The following DPYSL5 variants were observed in gnomAD, a reference collection of about 807,000 sequenced individuals.
DPYSL5 encodes dihydropyrimidinase-related protein 5.
A neutral mutation model predicts 58.4 loss-of-function variants in DPYSL5; 9 were observed. That is an observed-to-expected ratio of 0.15 (90% CI 0.09 to 0.27). The LOEUF (loss-of-function observed/expected upper bound fraction) is 0.27. Among genes scored for constraint, DPYSL5 ranks in the 10% least tolerant of loss-of-function variants. The pLI is 1.00. For synonymous variants in DPYSL5, 293 were observed against 301.9 expected (o/e 0.97, Z 0.31); for missense variants, 499 against 770.6 (o/e 0.65, Z 4.17).
chr2:26,873,268 T>C (rs1663318294), intron 1 of DPYSL5, among the ~76,000 whole-genome samples: 1 of 152,218 alleles, frequency 6.6e-6, no homozygotes, highest in Admixed American at 6.5e-5. Context: ...ATGTAATCAC[T>C]ACCACAATCA....
intron 2 of DPYSL5, among the ~76,000 whole-genome samples, chr2:26,919,986 G>T (rs1282806659): frequency 2.6e-5 from 4 of 152,082 alleles, no homozygotes; most frequent in African/African-American, 7.2e-5. Flanking sequence ...AGTTGCAAAA[G>T]AATATAGACA....
rs1664854670 is a variant in DPYSL5 at position 26,927,366 on chromosome 2, G to T, written c.534G>T (p.Leu178Phe). Residue 178 changes from leucine (L) to phenylalanine (F), a missense_variant, in exon 4 of 13, where the codon TTG becomes TTT. Physicochemically the swap from Leu to Phe is conservative, Grantham distance 22 (BLOSUM62 0). Coordinates refer to ENST00000288699, the MANE Select transcript of DPYSL5 (RefSeq NM_020134.4). The surrounding 1 kb of genome is among the most constrained non-coding windows in gnomAD (Gnocchi z 4.3). Reference protein sequence around the residue: ...MLRDSELYQVLHACKDIGAIA... With the variant: ...MLRDSELYQVFHACKDIGAIA... Reference sequence around the variant, plus strand: ...GAGACAGTGAGCTGTACCAAGTGTTGCACGCTTGCAAGGACATTGGGGCAA... The same window carrying T: ...GAGACAGTGAGCTGTACCAAGTGTTTCACGCTTGCAAGGACATTGGGGCAA... 3 of 1,614,252 alleles carry T rather than the reference G, an allele frequency of 1.9e-6. No homozygotes were observed. In the South Asian group the frequency reaches 3.3e-5, roughly 18 times the overall value.
chr2:26,857,269 G>C (rs1665902286), intron 1 of DPYSL5, among the ~76,000 whole-genome samples: 1 of 152,114 alleles, frequency 6.6e-6, no homozygotes, highest in Non-Finnish European at 1.5e-5. Context: ...AGGCGTGGTG[G>C]CTCACGCCTG....
rs1665132721 is a variant in DPYSL5, at chr2:26,934,885, T to C, written c.947+151T>C. ...TACCTTCTCTGAGCCCATCAGATAA[T>C]TGCCATCCTATTGGGATTTTATGAC... On this transcript the variant is annotated intron_variant, in intron 8 of 12. Coordinates refer to ENST00000288699, the MANE Select transcript of DPYSL5 (RefSeq NM_020134.4). The surrounding 1 kb of genome is among the most constrained non-coding windows in gnomAD (Gnocchi z 4.3). 1.8e-6 allele frequency: 2 copies of C among 1,089,874 alleles called. No individual in the cohort carries two copies. Among genetic ancestry groups the C allele is most frequent in the South Asian group, 1.5e-5 (1 of 64,798 alleles). 67.5% of individuals were successfully genotyped at this position (1,089,874 alleles called of 1,614,324 possible).
At chr2:26,928,900 C>A (rs1322340058) in intron 5 of DPYSL5, among the ~76,000 whole-genome samples, 1 of 151,512 alleles carries the variant, frequency 6.6e-6, no homozygotes, top group East Asian at 1.9e-4. Context: ...AAAAGACAGA[C>A]TGAAAAGGCC....
intron 8 of DPYSL5, chr2:26,938,608 G>C (rs72804857): frequency 0.12 from 17,878 of 152,250 alleles, 1,321 homozygotes; most frequent in Admixed American, 0.18. Context: ...GATAAGCCCT[G>C]CCAGGTCCCC....
intron 2 of DPYSL5, among the ~76,000 whole-genome samples, chr2:26,917,242 T>A (rs950999333): frequency 3.3e-5 from 5 of 152,204 alleles, no homozygotes; most frequent in Non-Finnish European, 7.3e-5. Flanking sequence ...GGTCAGGAAG[T>A]GGGACCATGC....
rs750430692 is a variant in DPYSL5 at position 26,940,136 on chromosome 2, G to A, written c.1053G>A (p.Val351=). 6.2e-7 allele frequency: 1 copy of A among 1,614,206 alleles called. No individual in the cohort carries two copies. The change falls in exon 9 of 13, where the codon GTG becomes GTA. Residue 351 remains valine (V), a synonymous_variant. Transcript: ENST00000288699. ...AGATCCCACATGGAGTGAGTGGCGT[G>A]CAGGACCGCATGAGCGTCATCTGGG... ...FTKIPHGVSG[V]QDRMSVIWER...
At chr2:26,885,511 AC>A (rs1288814487) in intron 1 of DPYSL5, among the ~76,000 whole-genome samples, 2 of 152,106 alleles carry the variant, frequency 1.3e-5, no homozygotes, top group African/African-American at 4.8e-5. Context: ...CCAAAATGGC[AC>A]CTGCCATCTA....
Position 26,942,242 on chromosome 2 carries a change from TCA to T in DPYSL5, c.1232+155_1232+156del, listed in dbSNP as rs369941824. The T allele has an allele frequency of 1.3e-4, 160 of 1,192,930 alleles. 2 individuals carry two copies. In the African/African-American group the frequency reaches 2.0e-3, roughly 15 times the overall value. 73.9% of individuals were successfully genotyped at this position (1,192,930 alleles called of 1,614,324 possible). A position where few individuals can be genotyped will look rare whatever the true frequency, so the allele number is the denominator to read the frequency against. On this transcript the variant is annotated intron_variant, in intron 10 of 12. Transcript: ENST00000288699. This position sits in a 1 kb window ranked among gnomAD's most constrained non-coding sequence, Gnocchi z 5.9. ...CGTTGGCCATCTTCTCCCTCCATCT[TCA>T]CACAGTCTTTCTTCCGTGTCACACA...
Position 26,925,908 on chromosome 2 carries a change from C to A in DPYSL5, c.420+863C>A, listed in dbSNP as rs1017620928. 6.6e-6 allele frequency among the ~76,000 whole-genome samples: 1 copy of A among 152,174 alleles called. No homozygotes were observed. Among genetic ancestry groups the A allele is most frequent in the Non-Finnish European group, 1.5e-5 (1 of 68,026 alleles). On this transcript the variant is annotated intron_variant, in intron 3 of 12. Transcript: ENST00000288699. The surrounding 1 kb of genome is among the most constrained non-coding windows in gnomAD (Gnocchi z 4.5). ...AAAATAATAAGCATTATTAGTTTTA[C>A]CAACTCAGGAACTGCCTCTTCATTT...
rs1231847501 is a variant in DPYSL5 at position 26,934,531 on chromosome 2, C to T, written c.791-47C>T. On this transcript the variant is annotated intron_variant, in intron 7 of 12. Transcript: ENST00000288699. The surrounding 1 kb of genome is among the most constrained non-coding windows in gnomAD (Gnocchi z 4.3). ...TGAGAGGCACACACCAGCGATCGCT[C>T]AGGTTCGGTGGCTTCCTGGTTATGG... 14 of 1,589,372 alleles carry T rather than the reference C, an allele frequency of 8.8e-6. No individual in the cohort carries two copies. Among genetic ancestry groups the T allele is most frequent in the African/African-American group, 4.0e-5 (3 of 74,522 alleles).
chr2:26,858,418 G>A (rs1052432090), intron 1 of DPYSL5, among the ~76,000 whole-genome samples: 182 of 152,074 alleles, frequency 1.2e-3, no homozygotes, highest in African/African-American at 4.1e-3. Flanking sequence ...TGATCTGCCC[G>A]CCTCGGCCTC....
At chr2:26,887,378 T>A (rs1397432014) in intron 1 of DPYSL5, among the ~76,000 whole-genome samples, 1 of 152,218 alleles carries the variant, frequency 6.6e-6, no homozygotes, top group East Asian at 1.9e-4. Flanking sequence ...GCTGAGTTGT[T>A]GGCAGGGGCA....
At position 26,940,007 on chromosome 2, in the gene DPYSL5, G is replaced by A. The variant is rs750189715; in HGVS notation, c.948-24G>A. 20 of 1,613,512 alleles carry A rather than the reference G, an allele frequency of 1.2e-5. No homozygotes were observed. The South Asian group carries it at 2.1e-4, about 17-fold the overall frequency. Reference sequence around the variant, plus strand: ...GTTCCTCACCTCCCCTCCCCTTACTGGTCACCTCCTTTTCTCTACCCAGTG... The same window carrying A: ...GTTCCTCACCTCCCCTCCCCTTACTAGTCACCTCCTTTTCTCTACCCAGTG... On this transcript the variant is annotated intron_variant, in intron 8 of 12. Coordinates refer to ENST00000288699, the MANE Select transcript of DPYSL5 (RefSeq NM_020134.4).
chr2:26,920,611 C>G (rs1664678809), intron 2 of DPYSL5, among the ~76,000 whole-genome samples: 1 of 152,132 alleles, frequency 6.6e-6, no homozygotes. Flanking sequence ...ACTGAAAATA[C>G]AAAATTAACC....
At chr2:26,923,311 A>G (rs1558346688) in intron 2 of DPYSL5, among the ~76,000 whole-genome samples, 1 of 152,206 alleles carries the variant, frequency 6.6e-6, no homozygotes, top group Non-Finnish European at 1.5e-5. Context: ...AGCCTGGGCA[A>G]CAGAGTGAGA....
chr2:26,850,991 T>C lies in DPYSL5; in HGVS notation c.-5+2737T>C, dbSNP rs1185228890. On this transcript the variant is annotated intron_variant, in intron 1 of 12. Coordinates refer to ENST00000288699, the MANE Select transcript of DPYSL5 (RefSeq NM_020134.4). ...ATATGTATATACACACATATATATATACACATACTATATTTTACTAAATTA... is the reference window on the plus strand; with the variant it reads ...ATATGTATATACACACATATATATACACACATACTATATTTTACTAAATTA... Among the ~76,000 whole-genome samples, 4 of 152,122 alleles carry C rather than the reference T, an allele frequency of 2.6e-5. No homozygotes were observed. In the South Asian group the frequency reaches 6.2e-4, roughly 24 times the overall value.
intron 1 of DPYSL5, among the ~76,000 whole-genome samples, chr2:26,886,540 T>A (rs1488157525): frequency 6.6e-6 from 1 of 152,274 alleles, no homozygotes; most frequent in Admixed American, 6.5e-5. Flanking sequence ...AATATTATTT[T>A]AAATCTACTC....
Sources: gnomAD v4.1 joint callset for allele counts (sites outside exome capture counted in the v4.1 genomes callset) on GRCh38, gnomAD v4.1.1 for gene constraint, Gnocchi (gnomAD v3.1) non-coding constraint, MANE v1.5 for transcripts, NCBI Gene and HGNC (gene_info 2026-07-23, HGNC 2026-07-21) for gene names.